FNBP1: variants seen among roughly 807,000 people sequenced by gnomAD.
FNBP1 encodes the protein formin-binding protein 1.
In FNBP1, 26 loss-of-function variants were observed where a neutral mutation model predicts 90.6. That is an observed-to-expected ratio of 0.29 (90% CI 0.21 to 0.40). The LOEUF (loss-of-function observed/expected upper bound fraction) is 0.40, where lower values mean the gene tolerates loss of function less well. FNBP1 is among the 10% of genes least tolerant of loss of function. The probability of loss-of-function intolerance (pLI) is 1.00; values close to 1 mark genes in which losing one functional copy is unlikely to be tolerated. For missense variants in FNBP1, 635 were observed against 768.0 expected (o/e 0.83, Z 2.05); for synonymous variants, 260 against 265.2 (o/e 0.98, Z 0.19).
chr9:130,038,399 C>CTTT (rs796531911), intron 1 of FNBP1, among the ~76,000 whole-genome samples: 5 of 108,540 alleles, frequency 4.6e-5, no homozygotes, highest in East Asian at 5.9e-4. Context: ...ACAGGTGGCT[C>CTTT]TTTTTTTTTT....
chr9:130,042,526 C>A lies in FNBP1; in HGVS notation c.24+426G>T, dbSNP rs1238031604. On this transcript the variant is annotated intron_variant, in intron 1 of 16. Transcript: ENST00000446176. This position sits in a 1 kb window ranked among gnomAD's most constrained non-coding sequence, Gnocchi z 5.5. The stretch of plus-strand genomic sequence containing the variant: ...CGCCAGCGCCTCCGCGGAGCCAGGA[C>A]AGAACTCGCGGCCGGGGCGCCCCGA... Among the ~76,000 whole-genome samples the A allele has an allele frequency of 2.6e-5, 4 of 151,892 alleles. No individual in the cohort carries two copies. Among genetic ancestry groups the A allele is most frequent in the Admixed American group, 2.6e-4 (4 of 15,262 alleles).
chr9:129,908,938 T>C lies in FNBP1; in HGVS notation c.1247A>G (p.Gln416Arg). ...PPEQRRKKLQQKVDELNKEIQ... is the reference protein window; with the variant it reads ...PPEQRRKKLQRKVDELNKEIQ... ...TTCTTTATTTAACTCATCGACTTTC[T>C]GCTGCAGCTTTTTCCTTCTTTGTTC... The change falls in exon 12 of 17, where the codon CAG becomes CGG. Residue 416 changes from glutamine to arginine, a missense_variant. Physicochemically the swap from Gln to Arg is conservative, Grantham distance 43. Transcript: ENST00000446176. 1 of 1,613,816 alleles carries C rather than the reference T, an allele frequency of 6.2e-7. No homozygotes were observed.
At chr9:129,925,656 T>G in intron 8 of FNBP1, among the ~76,000 whole-genome samples, 1 of 131,242 alleles carries the variant, frequency 7.6e-6, no homozygotes, top group Admixed American at 8.4e-5. Context: ...TGCAGTGGCG[T>G]GATCTCAGCT....
intron 6 of FNBP1, among the ~76,000 whole-genome samples, chr9:129,952,356 G>C (rs1047568983): frequency 2.0e-5 from 3 of 151,980 alleles, no homozygotes; most frequent in African/African-American, 7.3e-5. Flanking sequence ...AAGATTAGCC[G>C]GGTGTGGTGG....
At chr9:129,916,961 C>G (rs1318651968) in intron 10 of FNBP1, among the ~76,000 whole-genome samples, 1 of 151,968 alleles carries the variant, frequency 6.6e-6, no homozygotes, top group Non-Finnish European at 1.5e-5. Flanking sequence ...CTGATGCTTT[C>G]TATGAAACTC....
rs1001521491 is a variant in FNBP1 at position 129,966,450 on chromosome 9, C to T, written c.346-7897G>A. Among the ~76,000 whole-genome samples, 3 of 152,074 alleles carry T rather than the reference C, an allele frequency of 2.0e-5. No individual in the cohort carries two copies. Among genetic ancestry groups the T allele is most frequent in the African/African-American group, 4.8e-5 (2 of 41,418 alleles). On this transcript the variant is annotated intron_variant, in intron 4 of 16. Coordinates refer to ENST00000446176, the MANE Select transcript of FNBP1 (RefSeq NM_015033.3). This position sits in a 1 kb window ranked among gnomAD's most constrained non-coding sequence, Gnocchi z 4.3. ...AAGATTTAAGAAAGGAAGTGACAGCCGGATGCAGTGGCTCACGCCTGTAAT... is the reference window on the plus strand; with the variant it reads ...AAGATTTAAGAAAGGAAGTGACAGCTGGATGCAGTGGCTCACGCCTGTAAT...
Position 129,923,915 on chromosome 9 carries a change from G to C in FNBP1, c.1099C>G (p.Leu367Val). 2 of 1,600,678 alleles carry C rather than the reference G, an allele frequency of 1.2e-6. No individual in the cohort carries two copies. Among genetic ancestry groups the C allele is most frequent in the Non-Finnish European group, 1.7e-6 (2 of 1,175,010 alleles). ...PQSPKQQKEP[L>V]SHRFNEFMTS... Reference sequence around the variant, plus strand: ...ATGAACTCGTTGAAGCGATGGGAGAGGGGTTCCTTTTGCTGCTTGGGAGAC... The same window carrying C: ...ATGAACTCGTTGAAGCGATGGGAGACGGGTTCCTTTTGCTGCTTGGGAGAC... Residue 367 changes from leucine (L) to valine (V), a missense_variant, in exon 10 of 17, where the codon CTC becomes GTC. By Grantham distance (32) the Leu-to-Val change is conservative. Coordinates refer to ENST00000446176, the MANE Select transcript of FNBP1 (RefSeq NM_015033.3).
chr9:129,946,411 C>T (rs938981736), intron 6 of FNBP1, among the ~76,000 whole-genome samples: 1 of 152,148 alleles, frequency 6.6e-6, no homozygotes, highest in African/African-American at 2.4e-5. Flanking sequence ...CAGATTTTAA[C>T]TTAAGTTTTA....
Position 130,041,637 on chromosome 9 carries a change from C to G in FNBP1, c.24+1315G>C, listed in dbSNP as rs1318241962. On this transcript the variant is annotated intron_variant, in intron 1 of 16. Transcript: ENST00000446176. The surrounding 1 kb of genome is among the most constrained non-coding windows in gnomAD (Gnocchi z 4.3). ...CATCAGCGGAAATTTTGTCATGAATCCCTTTTAGGCAGAAGATGTTTATAA... is the reference window on the plus strand; with the variant it reads ...CATCAGCGGAAATTTTGTCATGAATGCCTTTTAGGCAGAAGATGTTTATAA... Among the ~76,000 whole-genome samples, 2 of 152,126 alleles carry G rather than the reference C, an allele frequency of 1.3e-5. No individual in the cohort carries two copies. The highest frequency in any genetic ancestry group is 2.1e-4 in the South Asian group (1 of 4,822).
chr9:129,950,034 C>T (rs533451719), intron 6 of FNBP1, among the ~76,000 whole-genome samples: 14 of 152,176 alleles, frequency 9.2e-5, no homozygotes, highest in East Asian at 1.9e-4. Flanking sequence ...TAATCATTTG[C>T]GGGAACTGGG....
chr9:130,040,954 A>G (rs775695069), intron 1 of FNBP1, among the ~76,000 whole-genome samples: 34 of 150,992 alleles, frequency 2.3e-4, no homozygotes, highest in Non-Finnish European at 3.7e-4. Context: ...TAATATTTGT[A>G]TATATTCCAG....
intron 12 of FNBP1, among the ~76,000 whole-genome samples, chr9:129,906,902 C>G (rs2038167738): frequency 6.6e-6 from 1 of 152,070 alleles, no homozygotes; most frequent in African/African-American, 2.4e-5. Flanking sequence ...GCCTCAGCCT[C>G]CCTAGTAGCT....
intron 1 of FNBP1, among the ~76,000 whole-genome samples, chr9:130,033,001 T>C (rs926527621): frequency 1.6e-4 from 24 of 152,198 alleles, no homozygotes; most frequent in Non-Finnish European, 3.2e-4. Context: ...GTACACCAAA[T>C]TTTAAATCAG....
intron 11 of FNBP1, among the ~76,000 whole-genome samples, chr9:129,914,213 C>T (rs1223581931): frequency 6.6e-6 from 1 of 150,430 alleles, no homozygotes; most frequent in South Asian, 2.1e-4. Flanking sequence ...CACTCTGTCA[C>T]CCAAGCTGGA....
At chr9:129,983,580 G>A (rs1419264822) in intron 2 of FNBP1, among the ~76,000 whole-genome samples, 23 of 152,124 alleles carry the variant, frequency 1.5e-4, no homozygotes, top group Admixed American at 1.4e-3. Flanking sequence ...CAGCACTTTG[G>A]GAGGCCGAGG....
In FNBP1 at chr9:129,888,884, A is replaced by C. The variant is rs1588305659; in HGVS notation, c.*1655T>G. On this transcript the variant is annotated 3_prime_UTR_variant, in exon 17 of 17. Transcript: ENST00000446176. ...GGCTTCTATAGGACTTCCTTGTCTTAGATTCATAAACAGCAAGAGGAACTG... is the reference window on the plus strand; with the variant it reads ...GGCTTCTATAGGACTTCCTTGTCTTCGATTCATAAACAGCAAGAGGAACTG... The C allele has an allele frequency of 8.6e-6, 2 of 232,342 alleles. No homozygotes were observed. The highest frequency in any genetic ancestry group is 1.2e-4 in the East Asian group (2 of 16,490). 14.4% of individuals were successfully genotyped at this position (232,342 alleles called of 1,614,324 possible).
rs989407271 is a variant in FNBP1 at position 129,887,831 on chromosome 9, C to T, written c.*2708G>A. ...TCTAGCACGGTGGCGAAGTGACAGG[C>T]GGCAGATACGGGGGAGGAAGGAGAC... is the stretch of plus-strand genomic sequence containing the variant. On this transcript the variant is annotated 3_prime_UTR_variant, in exon 17 of 17. Transcript: ENST00000446176. 46 of 230,610 alleles carry T rather than the reference C, an allele frequency of 2.0e-4. No homozygotes were observed. The highest frequency in any genetic ancestry group is 1.3e-3 in the Middle Eastern group (1 of 798). The allele number at this position is 230,610 out of a possible 1,614,324, so 14.3% of individuals were successfully genotyped here. A position where few individuals can be genotyped will look rare whatever the true frequency, so the allele number is the denominator to read the frequency against.
At chr9:129,985,272 T>A (rs1352829143) in intron 2 of FNBP1, among the ~76,000 whole-genome samples, 2 of 146,836 alleles carry the variant, frequency 1.4e-5, no homozygotes, top group African/African-American at 2.5e-5. Flanking sequence ...CGGCTCACGT[T>A]AGAAACAAAC....
chr9:129,941,196 C>T (rs1218672278), intron 6 of FNBP1, among the ~76,000 whole-genome samples: 6 of 151,536 alleles, frequency 4.0e-5, no homozygotes, highest in Non-Finnish European at 2.9e-5. Flanking sequence ...CAAGACCAGT[C>T]TGGCAAACAT....
Sources: gnomAD v4.1 joint callset for allele counts (sites outside exome capture counted in the v4.1 genomes callset) on GRCh38, gnomAD v4.1.1 for gene constraint, Gnocchi (gnomAD v3.1) non-coding constraint, MANE v1.5 for transcripts, NCBI Gene and HGNC (gene_info 2026-07-23, HGNC 2026-07-21) for gene names.